Variants in SEC13 observed in about 807,000 individuals in gnomAD.
SEC13 encodes the protein protein SEC13 homolog.
A neutral mutation model predicts 49.2 loss-of-function variants in SEC13; 25 were observed. The ratio of observed to expected loss-of-function variants is 0.51; its 90% CI spans 0.37 to 0.71. The LOEUF (loss-of-function observed/expected upper bound fraction) is 0.71. Ranked by LOEUF, SEC13 falls within the 30% of genes least tolerant of loss-of-function variation. The pLI is 0.00. For missense variants in SEC13, 383 were observed against 417.6 expected, an observed-to-expected ratio of 0.92 and a Z score of 0.72; for synonymous variants, 148 against 163.9, an observed-to-expected ratio of 0.90 and a Z score of 0.74.
intron 5 of SEC13, among the ~76,000 whole-genome samples, chr3:10,308,791 ATTTTTTTTTTT>A (rs34572074): frequency 9.5e-5 from 11 of 115,630 alleles, no homozygotes; most frequent in East Asian, 7.5e-4. Flanking sequence ...GCTGAGTTGA[ATTTTTTTTTTT>A]TTTTTTTTTT....
chr3:10,308,542 T>G (rs1701032678), intron 5 of SEC13, among the ~76,000 whole-genome samples: 1 of 152,188 alleles, frequency 6.6e-6, no homozygotes, highest in South Asian at 2.1e-4. Flanking sequence ...GTATAAGTCT[T>G]TGTGTGAACT....
chr3:10,316,220 C>T (rs991457935), intron 2 of SEC13, among the ~76,000 whole-genome samples: 7 of 152,182 alleles, frequency 4.6e-5, no homozygotes, highest in African/African-American at 1.2e-4. Context: ...CACCACTGAA[C>T]ACCCTGGTCC....
chr3:10,301,626 CAG>C (rs1031359885), intron 8 of SEC13, among the ~76,000 whole-genome samples: 2 of 152,176 alleles, frequency 1.3e-5, no homozygotes, highest in African/African-American at 4.8e-5. Context: ...CAAACTGTGA[CAG>C]AGCTACAGCG....
chr3:10,306,281 C>T (rs1438634122), intron 5 of SEC13, among the ~76,000 whole-genome samples: 2 of 152,280 alleles, frequency 1.3e-5, no homozygotes, highest in South Asian at 2.1e-4. Flanking sequence ...CCTAGTCTCT[C>T]GGTCTGGGTT....
intron 5 of SEC13, among the ~76,000 whole-genome samples, chr3:10,308,730 T>C (rs1002166979): frequency 2.0e-5 from 3 of 151,926 alleles, no homozygotes; most frequent in Non-Finnish European, 4.4e-5. Flanking sequence ...CCCCCAAAAT[T>C]TTCTTTAAAG....
Position 10,303,973 on chromosome 3 carries a change from G to A in SEC13, c.855+53C>T, listed in dbSNP as rs185250810. 464 of 1,600,516 alleles carry A rather than the reference G, an allele frequency of 2.9e-4. 5 individuals carry two copies. The East Asian group carries it at 9.0e-3, about 31-fold the overall frequency. ...ATGTCAAGTGCCCTCTCTAGTGGGC[G>A]GGGTGAAGACCAACAGGCTGTGTCC... On this transcript the variant is annotated intron_variant, in intron 8 of 8. Transcript: ENST00000350697.
chr3:10,314,800 A>G (rs1013795588), intron 3 of SEC13, among the ~76,000 whole-genome samples: 3 of 152,268 alleles, frequency 2.0e-5, no homozygotes, highest in African/African-American at 7.2e-5. Flanking sequence ...TATAGGCAGA[A>G]CAATGGGATT....
At chr3:10,308,840 C>T (rs1157648735) in intron 5 of SEC13, among the ~76,000 whole-genome samples, 6 of 142,884 alleles carry the variant, frequency 4.2e-5, no homozygotes, top group African/African-American at 1.3e-4. Flanking sequence ...CTATGTTGGC[C>T]AGGTTGGTCT....
intron 1 of SEC13, chr3:10,319,229 G>A: frequency 6.2e-7 from 1 of 1,613,436 alleles, no homozygotes; most frequent in Non-Finnish European, 8.5e-7. Flanking sequence ...GAAGAGGATG[G>A]CTGCAAAGCA....
intron 6 of SEC13, 151 bp downstream of exon 6, chr3:10,305,408 G>T: frequency 9.0e-7 from 1 of 1,116,944 alleles, no homozygotes; most frequent in Non-Finnish European, 1.3e-6. Context: ...TGTTTTTCAA[G>T]GATGTCCTCC....
chr3:10,315,650 C>T (rs982330121), intron 2 of SEC13, among the ~76,000 whole-genome samples: 1 of 152,208 alleles, frequency 6.6e-6, no homozygotes, highest in Admixed American at 6.5e-5. Context: ...GCAAGCCATG[C>T]CCAGCTGGTG....
intron 1 of SEC13, chr3:10,319,342 G>A (rs1052698820): frequency 1.3e-6 from 2 of 1,528,832 alleles, no homozygotes; most frequent in Non-Finnish European, 1.8e-6. Flanking sequence ...AGGACAATAA[G>A]GAGTTTCCTC....
chr3:10,308,287 T>A (rs942042715), intron 5 of SEC13, among the ~76,000 whole-genome samples: 1 of 152,212 alleles, frequency 6.6e-6, no homozygotes, highest in African/African-American at 2.4e-5. Flanking sequence ...TCAGCTGCAT[T>A]TCCTAGATAT....
At chr3:10,305,280 T>C in intron 6 of SEC13, 124 bp from the exon 7 acceptor site, 1 of 1,387,342 alleles carries the variant, frequency 7.2e-7, no homozygotes, top group African/African-American at 1.5e-5. Flanking sequence ...ATTCATGGAG[T>C]TTGTGGCATT....
chr3:10,315,399 G>A lies in SEC13; in HGVS notation c.86C>T (p.Ala29Val). ...GACGGACCTGTCTGATGAGCAGGTT[G>A]CCAGGCGGGTGCCATAGTAGTCCAT... ...AQMDYYGTRL[A>V]TCSSDRSVKI... The change falls in exon 3 of 9, where the codon GCA (alanine) becomes GTA (valine). Residue 29 changes from alanine to valine, a missense_variant. By Grantham distance (64) the Ala-to-Val change is moderately conservative (BLOSUM62 0). Transcript: ENST00000350697. 1 of 1,613,098 alleles carries A rather than the reference G, an allele frequency of 6.2e-7. No homozygotes were observed. The highest frequency in any genetic ancestry group is 8.5e-7 in the Non-Finnish European group (1 of 1,179,816).
intron 6 of SEC13, 146 bp from the exon 7 acceptor site, chr3:10,305,302 AC>A: frequency 1.6e-6 from 2 of 1,248,828 alleles, no homozygotes; most frequent in African/African-American, 2.0e-5. Flanking sequence ...TATTCCCTTC[AC>A]CCCAGCTGTA....
chr3:10,318,367 G>A (rs921415884), intron 1 of SEC13, among the ~76,000 whole-genome samples: 2 of 152,060 alleles, frequency 1.3e-5, no homozygotes, highest in Non-Finnish European at 2.9e-5. Context: ...GTAGGAGCCT[G>A]AGGGGCTGGG....
chr3:10,304,868 T>TTGGTCAGAA (rs1700768262), intron 7 of SEC13, among the ~76,000 whole-genome samples, 165 bp downstream of exon 7: 1 of 152,248 alleles, frequency 6.6e-6, no homozygotes, highest in Non-Finnish European at 1.5e-5. Context: ...TTGTGGCTTC[T>TTGGTCAGAA]GACCAAGACT....
At chr3:10,304,973 A>AAT in intron 7 of SEC13, 60 bp downstream of exon 7, 1 of 1,611,220 alleles carries the variant, frequency 6.2e-7, no homozygotes, top group Admixed American at 1.7e-5. Flanking sequence ...AAGGAGACTA[A>AAT]GAGCTGATGG....
Sources: gnomAD v4.1 joint callset for allele counts (sites outside exome capture counted in the v4.1 genomes callset) on GRCh38, gnomAD v4.1.1 for gene constraint, MANE v1.5 for transcripts, NCBI Gene and HGNC (gene_info 2026-07-23, HGNC 2026-07-21) for gene names.